The following PTPRZ1 variants were observed in gnomAD, a reference collection of about 807,000 sequenced individuals.
PTPRZ1 encodes the protein protein tyrosine phosphatase receptor type Z1.
Under a neutral mutation model 214.1 loss-of-function variants are expected in PTPRZ1, and 82 were observed. That is an observed-to-expected ratio of 0.38 (90% CI 0.32 to 0.46). The LOEUF (loss-of-function observed/expected upper bound fraction) is 0.46, where lower values mean the gene tolerates loss of function less well. Ranked by LOEUF, PTPRZ1 falls within the 20% of genes least tolerant of loss-of-function variation. The pLI, the probability that PTPRZ1 is intolerant of heterozygous loss-of-function variation, is 1.00. For synonymous variants in PTPRZ1, 945 were observed against 987.9 expected (o/e 0.96, Z 0.81); for missense variants, 2,603 against 2,748.7 (o/e 0.95, Z 1.19).
At chr7:121,973,940 G>GAAAAAAAAAAAAAAAAAAAAAAA (rs371692415) in intron 4 of PTPRZ1, among the ~76,000 whole-genome samples, 2 of 86,222 alleles carry the variant, frequency 2.3e-5, no homozygotes, top group Non-Finnish European at 4.3e-5. Flanking sequence ...TCTCAAAAAA[G>GAAAAAAAAAAAAAAAAAAAAAAA]AAAAAAAAAA....
intron 1 of PTPRZ1, among the ~76,000 whole-genome samples, chr7:121,911,140 G>A (rs1226255041): frequency 6.6e-6 from 1 of 151,946 alleles, no homozygotes; most frequent in Non-Finnish European, 1.5e-5. Flanking sequence ...ATACCTAAGA[G>A]TAATGAAAGG....
At chr7:122,029,735 T>A (rs1025852695) in intron 14 of PTPRZ1, among the ~76,000 whole-genome samples, 2 of 151,550 alleles carry the variant, frequency 1.3e-5, no homozygotes, top group Non-Finnish European at 3.0e-5. Flanking sequence ...ATGTTGATGT[T>A]TGTTATATGT....
intron 12 of PTPRZ1, among the ~76,000 whole-genome samples, chr7:122,017,909 C>T (rs980704714): frequency 2.0e-5 from 3 of 151,870 alleles, no homozygotes; most frequent in African/African-American, 7.3e-5. Flanking sequence ...AATTCCTGTC[C>T]CTTTCTGCTA....
At chr7:121,881,071 G>A (rs1406967478) in intron 1 of PTPRZ1, among the ~76,000 whole-genome samples, 2 of 152,158 alleles carry the variant, frequency 1.3e-5, no homozygotes, top group Non-Finnish European at 2.9e-5. Flanking sequence ...CATTGTGATC[G>A]TATTTGGGGA....
rs758521531 is a variant in PTPRZ1 at position 122,044,459 on chromosome 7, C to T, written c.5975C>T (p.Ala1992Val). Residue 1992 changes from alanine to valine, a missense_variant, in exon 23 of 30, where the codon GCC becomes GTC. Physicochemically the swap from Ala to Val is moderately conservative, Grantham distance 64. This residue lies in a region of PTPRZ1 where 1,913 missense variants were observed against 1,914.3 expected (regional missense o/e 1.00). Coordinates refer to ENST00000393386, the MANE Select transcript of PTPRZ1 (RefSeq NM_002851.3). ...YVFIHDTLVE[A>V]ILSKETEVLD... is the part of the protein sequence containing the mutation. ...TTCATTCATGATACACTGGTTGAGG[C>T]CATACTTAGTAAAGAAACTGAGGTG... 19 of 1,613,722 alleles carry T rather than the reference C, an allele frequency of 1.2e-5. No individual in the cohort carries two copies. The African/African-American group carries it at 1.5e-4, about 12-fold the overall frequency.
intron 1 of PTPRZ1, among the ~76,000 whole-genome samples, chr7:121,923,067 A>T (rs1795647654): frequency 6.6e-6 from 1 of 152,166 alleles, no homozygotes; most frequent in African/African-American, 2.4e-5. Context: ...ATAAGTTCCT[A>T]GTGATCTATG....
At chr7:122,026,452 A>G (rs1371254436) in intron 13 of PTPRZ1, among the ~76,000 whole-genome samples, 1 of 152,218 alleles carries the variant, frequency 6.6e-6, no homozygotes, top group East Asian at 1.9e-4. Flanking sequence ...ATGTCAGAAT[A>G]TGCTCCATTC....
intron 1 of PTPRZ1, among the ~76,000 whole-genome samples, chr7:121,892,038 G>T (rs1310585707): frequency 2.0e-5 from 3 of 151,856 alleles, no homozygotes; most frequent in African/African-American, 7.3e-5. Context: ...ATTTTCTTTG[G>T]ATAGTCATAC....
chr7:121,993,572 C>CAAAAAAAAAAAAAAAAAAAAAAAAAA (rs66916301), intron 8 of PTPRZ1, among the ~76,000 whole-genome samples: 1 of 73,606 alleles, frequency 1.4e-5, no homozygotes, highest in Non-Finnish European at 2.5e-5. Context: ...GAGACTGTCT[C>CAAAAAAAAAAAAAAAAAAAAAAAAAA]AAAAAAAAAA....
intron 1 of PTPRZ1, among the ~76,000 whole-genome samples, chr7:121,903,269 A>G (rs1307883992): frequency 1.3e-5 from 2 of 152,192 alleles, no homozygotes; most frequent in South Asian, 2.1e-4. Flanking sequence ...ATAAAAATGC[A>G]TATTTTTTTC....
chr7:121,895,492 G>C (rs1194239303), intron 1 of PTPRZ1, among the ~76,000 whole-genome samples: 1 of 152,134 alleles, frequency 6.6e-6, no homozygotes, highest in East Asian at 1.9e-4. Flanking sequence ...TATTAAGAGA[G>C]ATGTAAAATA....
At chr7:122,032,616 C>A (rs1799415778) in intron 15 of PTPRZ1, among the ~76,000 whole-genome samples, 1 of 152,100 alleles carries the variant, frequency 6.6e-6, no homozygotes, top group Admixed American at 6.6e-5. Context: ...ATTTTCTTTC[C>A]CCACTGCACC....
At chr7:121,962,449 A>AAAT (rs144574732) in intron 2 of PTPRZ1, among the ~76,000 whole-genome samples, 1,951 of 148,440 alleles carry the variant, frequency 0.013, 41 homozygotes, top group African/African-American at 0.043. Flanking sequence ...CTCTGTCTCA[A>AAAT]AATAATAATA....
chr7:122,051,202 ATTTCT>A (rs1282645351), intron 23 of PTPRZ1, among the ~76,000 whole-genome samples: 2 of 152,292 alleles, frequency 1.3e-5, no homozygotes, highest in East Asian at 3.9e-4. Flanking sequence ...ATTACTAGAG[ATTTCT>A]TTGCTTCTTG....
chr7:121,994,654 C>T (rs764937068), intron 8 of PTPRZ1, among the ~76,000 whole-genome samples: 1 of 152,018 alleles, frequency 6.6e-6, no homozygotes, highest in African/African-American at 2.4e-5. Context: ...TAAAAGTGAA[C>T]TTGGGATTCA....
chr7:121,960,559 T>C (rs1474727593), intron 2 of PTPRZ1, among the ~76,000 whole-genome samples: 1 of 152,184 alleles, frequency 6.6e-6, no homozygotes, highest in Admixed American at 6.5e-5. Context: ...TCAGTGGATC[T>C]CTGCTGAATA....
chr7:121,953,485 T>C (rs1470855635), intron 2 of PTPRZ1, among the ~76,000 whole-genome samples: 1 of 152,242 alleles, frequency 6.6e-6, no homozygotes, highest in African/African-American at 2.4e-5. Flanking sequence ...ATGTACATAC[T>C]TGAAAAGATC....
chr7:121,939,842 A>T (rs551053048), intron 2 of PTPRZ1, among the ~76,000 whole-genome samples: 2 of 152,252 alleles, frequency 1.3e-5, no homozygotes, highest in South Asian at 2.1e-4. Context: ...TAAATACCTC[A>T]TGGAGATGGT....
At chr7:121,959,544 A>C (rs1393905416) in intron 2 of PTPRZ1, among the ~76,000 whole-genome samples, 4 of 152,202 alleles carry the variant, frequency 2.6e-5, no homozygotes, top group Admixed American at 2.0e-4. Flanking sequence ...GCTTTGAGTC[A>C]GTTTATGTGA....
Sources: gnomAD v4.1 joint callset for allele counts (sites outside exome capture counted in the v4.1 genomes callset) on GRCh38, gnomAD v4.1.1 for gene constraint, gnomAD v4.1.1 regional missense constraint, MANE v1.5 for transcripts, NCBI Gene and HGNC (gene_info 2026-07-23, HGNC 2026-07-21) for gene names.